Variants in FREM2 observed in about 807,000 individuals in gnomAD.
FREM2 encodes FRAS1-related extracellular matrix protein 2.
FREM2 carries 119 observed loss-of-function variants against 219.9 expected under a neutral mutation model. The ratio of observed to expected loss-of-function variants is 0.54; its 90% CI spans 0.47 to 0.63. The LOEUF is 0.63. Among genes scored for constraint, FREM2 ranks in the 30% least tolerant of loss-of-function variants. FREM2 has a pLI of 0.00. For synonymous variants in FREM2, 1,562 were observed against 1,522.8 expected (o/e 1.03, Z -0.60); for missense variants, 4,030 against 3,993.6 (o/e 1.01, Z -0.25).
chr13:38,866,040 T>A (rs2137927206), intron 16 of FREM2, among the ~76,000 whole-genome samples: 1 of 152,340 alleles, frequency 6.6e-6, no homozygotes, highest in East Asian at 1.9e-4. Context: ...ACTTCCTTCA[T>A]GTCTTCCTTA....
At chr13:38,815,348 A>C (rs1467525267) in intron 6 of FREM2, among the ~76,000 whole-genome samples, 2 of 152,150 alleles carry the variant, frequency 1.3e-5, no homozygotes, top group African/African-American at 4.8e-5. Context: ...TCCCTTGTAG[A>C]AGGCAAGAAA....
intron 2 of FREM2, among the ~76,000 whole-genome samples, chr13:38,761,584 G>A (rs564538860): frequency 1.3e-5 from 2 of 152,238 alleles, no homozygotes; most frequent in East Asian, 3.9e-4. Flanking sequence ...GTACAATTTA[G>A]TACAATTAGT....
Position 38,878,024 on chromosome 13 carries a change from G to A in FREM2, c.8672-110G>A, listed in dbSNP as rs191368978. 5.7e-4 allele frequency: 533 copies of A among 929,476 alleles called. 2 individuals carry two copies. The highest frequency in any genetic ancestry group is 4.7e-3 in the Middle Eastern group (17 of 3,618). The allele number at this position is 929,476 out of a possible 1,614,324, so 57.6% of individuals were successfully genotyped here. On this transcript the variant is annotated intron_variant, in intron 21 of 23. Transcript: ENST00000280481. ...GCCTTCAACATTTGATAGTAGATGAGGGTGGCAAGGAAATAATCTCTGTGT... is the reference window on the plus strand; with the variant it reads ...GCCTTCAACATTTGATAGTAGATGAAGGTGGCAAGGAAATAATCTCTGTGT...
rs1306858212 is a variant in FREM2 at position 38,688,687 on chromosome 13, T to C, written c.1343T>C (p.Ile448Thr). The change falls in exon 1 of 24, where the codon ATT (isoleucine) becomes ACT (threonine). Residue 448 changes from isoleucine (I) to threonine (T), a missense_variant. By Grantham distance (89) the Ile-to-Thr change is moderately conservative (BLOSUM62 -1). Transcript: ENST00000280481. Reference protein sequence around the residue: ...APVVTRNTGLILYEGQSRPLT... With the variant: ...APVVTRNTGLTLYEGQSRPLT... ...GTGGTCACCCGGAATACCGGTCTTATTCTCTATGAGGGTCAGTCTCGGCCC... is the reference window on the plus strand; with the variant it reads ...GTGGTCACCCGGAATACCGGTCTTACTCTCTATGAGGGTCAGTCTCGGCCC... The C allele has an allele frequency of 6.8e-6, 11 of 1,614,032 alleles. No homozygotes were observed. The Admixed American group carries it at 1.3e-4, about 20-fold the overall frequency.
Position 38,851,789 on chromosome 13 carries a change from T to A in FREM2, c.6846T>A (p.Thr2282=). 1 of 1,613,960 alleles carries A rather than the reference T, an allele frequency of 6.2e-7. No individual in the cohort carries two copies. Among genetic ancestry groups the A allele is most frequent in the Non-Finnish European group, 8.5e-7 (1 of 1,179,888 alleles). ...TTCCAGTGATTCGCCAAGGAGACAC[T>A]TCAAAGGTTTCCATTGTGAGAGTCC... ...IRIPVIRQGD[T]SKVSIVRVHT... Residue 2282 remains threonine, a synonymous_variant, in exon 11 of 24, where the codon ACT becomes ACA. Coordinates refer to ENST00000280481, the MANE Select transcript of FREM2 (RefSeq NM_207361.6).
intron 6 of FREM2, among the ~76,000 whole-genome samples, chr13:38,794,167 A>G (rs555192055): frequency 4.3e-4 from 65 of 152,194 alleles, no homozygotes; most frequent in Admixed American, 9.2e-4. Flanking sequence ...AAGTGGACCT[A>G]GTATGATTTA....
At chr13:38,695,934 T>G (rs1310974333) in intron 1 of FREM2, among the ~76,000 whole-genome samples, 1 of 151,946 alleles carries the variant, frequency 6.6e-6, no homozygotes, top group Non-Finnish European at 1.5e-5. Context: ...ATCCCAGAAG[T>G]TTTTCATCTA....
At chr13:38,870,727 T>C (rs1878128233) in intron 16 of FREM2, among the ~76,000 whole-genome samples, 1 of 152,116 alleles carries the variant, frequency 6.6e-6, no homozygotes, top group Non-Finnish European at 1.5e-5. Flanking sequence ...ATGATCAAGC[T>C]CTAGTTTACC....
intron 16 of FREM2, among the ~76,000 whole-genome samples, chr13:38,870,337 C>A (rs922057788): frequency 6.6e-6 from 1 of 152,146 alleles, no homozygotes; most frequent in Non-Finnish European, 1.5e-5. Context: ...TTGCATTTTA[C>A]ACTTTCCTTT....
Position 38,690,199 on chromosome 13 carries a change from C to T in FREM2, c.2855C>T (p.Ser952Phe). Residue 952 changes from serine (S) to phenylalanine (F), a missense_variant, in exon 1 of 24, where the codon TCC becomes TTC. By Grantham distance (155) the Ser-to-Phe change is radical (BLOSUM62 -2). This residue lies in a region of FREM2 where 3,102 missense variants were observed against 2,950.7 expected (regional missense o/e 1.05). Coordinates refer to ENST00000280481, the MANE Select transcript of FREM2 (RefSeq NM_207361.6). ...AGCCATCCTACTGGCACTCTGGAGT[C>T]CTATCTAGATGTCTTAGAAAATGGG... ...ILSHPTGTLESYLDVLENGAT... is the reference protein window; with the variant it reads ...ILSHPTGTLEFYLDVLENGAT... 6.2e-7 allele frequency: 1 copy of T among 1,614,132 alleles called. No homozygotes were observed. Among genetic ancestry groups the T allele is most frequent in the Non-Finnish European group, 8.5e-7 (1 of 1,180,028 alleles).
In FREM2 at chr13:38,880,723, G is replaced by T. The variant is rs751751125; in HGVS notation, c.9446G>T (p.Gly3149Val). The change falls in exon 24 of 24, where the codon GGC becomes GTC. Residue 3149 changes from glycine (G) to valine (V), a missense_variant. Physicochemically the swap from Gly to Val is moderately radical, Grantham distance 109. This residue lies in a region of FREM2 where 928 missense variants were observed against 1,042.9 expected (regional missense o/e 0.89). Transcript: ENST00000280481. The part of the protein sequence containing the change: ...ESFRGKDAPK[G>V]SSSSEPMVPP... ...TTCAGGGGGAAGGATGCCCCGAAAGGCTCCAGCAGCAGTGAGCCCATGGTG... is the reference window on the plus strand; with the variant it reads ...TTCAGGGGGAAGGATGCCCCGAAAGTCTCCAGCAGCAGTGAGCCCATGGTG... 8.7e-6 allele frequency: 14 copies of T among 1,614,072 alleles called. No homozygotes were observed. The highest frequency in any genetic ancestry group is 1.6e-4 in the Middle Eastern group (1 of 6,084).
chr13:38,872,188 A>G (rs1363537403), intron 16 of FREM2, among the ~76,000 whole-genome samples: 1 of 152,208 alleles, frequency 6.6e-6, no homozygotes, highest in African/African-American at 2.4e-5. Context: ...AAATGAAAGA[A>G]ATCTATCACA....
rs1312270433 is a variant in FREM2, at chr13:38,882,799, A to G, written c.*2012A>G. The G allele has an allele frequency of 1.3e-5, 2 of 152,186 alleles. No homozygotes were observed. The highest frequency in any genetic ancestry group is 4.8e-5 in the African/African-American group (2 of 41,462). 9.4% of individuals were successfully genotyped at this position (152,186 alleles called of 1,614,324 possible). A position where few individuals can be genotyped will look rare whatever the true frequency, so the allele number is the denominator to read the frequency against. Reference sequence around the variant, plus strand: ...TCAAATAGTGCGTAGACTTTTCCCTACTTACCATTGGGTTCAATTGATGTA... The same window carrying G: ...TCAAATAGTGCGTAGACTTTTCCCTGCTTACCATTGGGTTCAATTGATGTA... On this transcript the variant is annotated 3_prime_UTR_variant, in exon 24 of 24. Transcript: ENST00000280481.
intron 2 of FREM2, among the ~76,000 whole-genome samples, chr13:38,726,406 TA>T (rs1431038795): frequency 1.3e-5 from 2 of 152,206 alleles, no homozygotes; most frequent in East Asian, 3.9e-4. Flanking sequence ...AGCAGCTTGC[TA>T]ATCTCTAGGA....
intron 2 of FREM2, among the ~76,000 whole-genome samples, chr13:38,707,618 T>C (rs1052333501): frequency 9.9e-5 from 15 of 152,192 alleles, no homozygotes; most frequent in Admixed American, 5.9e-4. Flanking sequence ...CCTTTAACTC[T>C]ACTTATCCAG....
At chr13:38,740,238 G>A (rs1872186272) in intron 2 of FREM2, among the ~76,000 whole-genome samples, 3 of 152,128 alleles carry the variant, frequency 2.0e-5, no homozygotes, top group Admixed American at 1.3e-4. Flanking sequence ...TTAGGCTGTG[G>A]AGAAAAAGTT....
At chr13:38,716,200 C>T (rs1870992667) in intron 2 of FREM2, among the ~76,000 whole-genome samples, 1 of 152,180 alleles carries the variant, frequency 6.6e-6, no homozygotes, top group Admixed American at 6.5e-5. Flanking sequence ...TTTTCTCACC[C>T]ATGACAAAGA....
At chr13:38,830,399 C>A (rs976566294) in intron 6 of FREM2, among the ~76,000 whole-genome samples, 1 of 152,192 alleles carries the variant, frequency 6.6e-6, no homozygotes, top group South Asian at 2.1e-4. Context: ...AATCTTCCCA[C>A]CTCCACTGCC....
At chr13:38,753,264 G>T (rs1305493514) in intron 2 of FREM2, among the ~76,000 whole-genome samples, 1 of 152,030 alleles carries the variant, frequency 6.6e-6, no homozygotes, top group East Asian at 1.9e-4. Context: ...CCCAAATTAT[G>T]TATACACATA....
Sources: allele counts gnomAD v4.1 joint callset (sites outside exome capture counted in the v4.1 genomes callset), GRCh38; gene constraint gnomAD v4.1.1; regional missense constraint gnomAD v4.1.1; transcripts MANE v1.5; gene names NCBI Gene and HGNC (gene_info 2026-07-23, HGNC 2026-07-21).